Variants in RNF111 observed in about 807,000 individuals in gnomAD.
RNF111 encodes the protein E3 ubiquitin-protein ligase Arkadia.
RNF111 carries 17 observed loss-of-function variants against 95.1 expected under a neutral mutation model. That is an observed-to-expected ratio of 0.18 (90% confidence interval 0.12 to 0.27). RNF111 has a LOEUF of 0.27. RNF111 is among the 10% of genes least tolerant of loss of function. The probability of loss-of-function intolerance (pLI) is 1.00; values close to 1 mark genes in which losing one functional copy is unlikely to be tolerated. For synonymous variants in RNF111, 440 were observed against 414.8 expected (o/e 1.06, Z -0.74); for missense variants, 1,189 against 1,210.4 (o/e 0.98, Z 0.26).
rs560549999 is a variant in RNF111 at position 59,080,789 on chromosome 15, T to C, written c.1949-147T>C. On this transcript the variant is annotated intron_variant, in intron 7 of 13. Coordinates refer to ENST00000348370, the MANE Select transcript of RNF111 (RefSeq NM_017610.8). ...TATTGTAAGAAGGGAGCAAGTTGCT[T>C]GAGCAGTTGCTTGAATACTTTACTT... The C allele has an allele frequency of 2.9e-4, 179 of 615,082 alleles. No individual in the cohort carries two copies. In the South Asian group the frequency reaches 4.0e-3, roughly 14 times the overall value. 38.1% of individuals were successfully genotyped at this position (615,082 alleles called of 1,614,324 possible).
chr15:59,094,699 T>C (rs2079146351), intron 13 of RNF111, 84 bp from the exon 14 acceptor site: 2 of 792,546 alleles, frequency 2.5e-6, no homozygotes, highest in Non-Finnish European at 4.4e-6. Flanking sequence ...CAAAACATTA[T>C]TGAATTATTA....
chr15:59,012,283 T>C (rs2039862571), intron 1 of RNF111, among the ~76,000 whole-genome samples: 1 of 152,122 alleles, frequency 6.6e-6, no homozygotes, highest in Non-Finnish European at 1.5e-5. Context: ...CCTCCCAAAA[T>C]GTTGAGATTA....
chr15:59,010,380 A>T, intron 1 of RNF111, among the ~76,000 whole-genome samples: 1 of 152,086 alleles, frequency 6.6e-6, no homozygotes, highest in East Asian at 1.9e-4. Context: ...TGGATTCCAC[A>T]TCTGTTTTAT....
chr15:59,056,063 C>T lies in RNF111; in HGVS notation c.1171+218C>T, dbSNP rs112051063. On this transcript the variant is annotated intron_variant, in intron 4 of 13. Transcript: ENST00000348370. ...TTTCAATACTTGATAGCTATTTTCT[C>T]AGGAAAAAATATTTTTGTAAGTGGT... Among the ~76,000 whole-genome samples the T allele has an allele frequency of 1.3e-3, 201 of 152,062 alleles. 1 individual carries two copies. Among genetic ancestry groups the T allele is most frequent in the African/African-American group, 4.3e-3 (178 of 41,486 alleles).
chr15:59,015,910 G>A (rs1359697911), intron 1 of RNF111, among the ~76,000 whole-genome samples: 1 of 152,008 alleles, frequency 6.6e-6, no homozygotes, highest in East Asian at 1.9e-4. Flanking sequence ...GGAGTGCAGT[G>A]GCGTGATCTT....
At chr15:59,036,498 A>G (rs2041186166) in intron 2 of RNF111, among the ~76,000 whole-genome samples, 1 of 152,208 alleles carries the variant, frequency 6.6e-6, no homozygotes, top group Non-Finnish European at 1.5e-5. Context: ...AGCTTGTGCA[A>G]GGAACTTGGC....
chr15:59,045,168 G>GT (rs5812960), intron 2 of RNF111, among the ~76,000 whole-genome samples: 65,856 of 143,272 alleles, frequency 0.46, 16,048 homozygotes, highest in African/African-American at 0.65. Context: ...ATTTTTTACA[G>GT]TTTTTTTTTT....
intron 1 of RNF111, among the ~76,000 whole-genome samples, chr15:59,013,024 C>T (rs559477098): frequency 6.6e-6 from 1 of 152,156 alleles, no homozygotes; most frequent in Non-Finnish European, 1.5e-5. Flanking sequence ...TAGGCGTGAG[C>T]CACCGCGACC....
chr15:59,067,158 C>G, intron 6 of RNF111, 75 bp downstream of exon 6: 1 of 1,209,630 alleles, frequency 8.3e-7, no homozygotes, highest in African/African-American at 1.5e-5. Context: ...CCTTTTCTCT[C>G]TCTTCCTCTT....
At chr15:59,079,670 T>A (rs1596294735) in intron 7 of RNF111, among the ~76,000 whole-genome samples, 2 of 148,608 alleles carry the variant, frequency 1.3e-5, no homozygotes, top group South Asian at 2.1e-4. Context: ...TTTTTTTTTT[T>A]ACATGTCAAG....
intron 1 of RNF111, among the ~76,000 whole-genome samples, chr15:59,027,122 T>C (rs2040652033): frequency 1.3e-5 from 2 of 152,250 alleles, no homozygotes; most frequent in South Asian, 4.1e-4. Context: ...GTCTGGTTTT[T>C]GGCAAGTTTT....
intron 1 of RNF111, among the ~76,000 whole-genome samples, chr15:59,023,288 C>T (rs1309130549): frequency 6.6e-6 from 1 of 151,924 alleles, no homozygotes; most frequent in Non-Finnish European, 1.5e-5. Flanking sequence ...GCTGGTTTAC[C>T]CTGTTTTATA....
At chr15:59,004,975 G>C (rs1481126709) in intron 1 of RNF111, among the ~76,000 whole-genome samples, 2 of 152,188 alleles carry the variant, frequency 1.3e-5, no homozygotes, top group Non-Finnish European at 2.9e-5. Flanking sequence ...ATTTTGTGTT[G>C]ATTCTAGGCA....
intron 1 of RNF111, among the ~76,000 whole-genome samples, chr15:59,015,007 C>T (rs1179333774): frequency 1.3e-5 from 2 of 152,146 alleles, no homozygotes; most frequent in Non-Finnish European, 2.9e-5. Context: ...CCTTGGCCTC[C>T]GTAAGTGCTG....
At chr15:59,029,373 C>G (rs1212810614) in intron 1 of RNF111, among the ~76,000 whole-genome samples, 1 of 152,178 alleles carries the variant, frequency 6.6e-6, no homozygotes, top group Non-Finnish European at 1.5e-5. Flanking sequence ...CATGTTCACT[C>G]ATCTTTGTAT....
At chr15:58,989,571 C>T (rs1420366391) in intron 1 of RNF111, among the ~76,000 whole-genome samples, 2 of 152,168 alleles carry the variant, frequency 1.3e-5, no homozygotes, top group Admixed American at 6.5e-5. Context: ...CTGTTGGCCA[C>T]TTGTTTGCTA....
Position 59,065,416 on chromosome 15 carries a change from G to GT in RNF111, c.1367-1348_1367-1347insT, listed in dbSNP as rs1359901020. On this transcript the variant is annotated intron_variant, in intron 5 of 13. Transcript: ENST00000348370. Reference sequence around the variant, plus strand: ...AAAATAACTGGGCATGTGGCGGAGAGCATAATCAGGACTCATGTGTTTTAT... The same window carrying GT: ...AAAATAACTGGGCATGTGGCGGAGAGTCATAATCAGGACTCATGTGTTTTAT... 8.5e-5 allele frequency among the ~76,000 whole-genome samples: 13 copies of GT among 152,156 alleles called. No individual in the cohort carries two copies. In the East Asian group the frequency reaches 2.5e-3, roughly 29 times the overall value.
At chr15:59,035,827 T>C (rs1370285926) in intron 2 of RNF111, among the ~76,000 whole-genome samples, 3 of 152,316 alleles carry the variant, frequency 2.0e-5, no homozygotes, top group Non-Finnish European at 4.4e-5. Flanking sequence ...TCCATATCAC[T>C]GTCAGCATTT....
At chr15:58,994,568 C>T (rs549792112) in intron 1 of RNF111, among the ~76,000 whole-genome samples, 61 of 147,358 alleles carry the variant, frequency 4.1e-4, no homozygotes, top group Admixed American at 8.2e-4. Flanking sequence ...ACCTCCATCT[C>T]CCAGGTTCAA....
Sources: gnomAD v4.1 joint callset for allele counts (sites outside exome capture counted in the v4.1 genomes callset) on GRCh38, gnomAD v4.1.1 for gene constraint, MANE v1.5 for transcripts, NCBI Gene and HGNC (gene_info 2026-07-23, HGNC 2026-07-21) for gene names.